JAK2: variants seen among roughly 807,000 people sequenced by gnomAD.
JAK2 encodes the protein tyrosine-protein kinase JAK2.
A neutral mutation model predicts 139.3 loss-of-function variants in JAK2; 86 were observed. The ratio of observed to expected loss-of-function variants is 0.62; its 90% confidence interval spans 0.52 to 0.74. The LOEUF (loss-of-function observed/expected upper bound fraction) is 0.74. JAK2 is among the 30% of genes least tolerant of loss of function. The pLI, the probability that JAK2 is intolerant of heterozygous loss-of-function variation, is 0.00. For synonymous variants in JAK2, 490 were observed against 437.7 expected (o/e 1.12, Z -1.49); for missense variants, 1,421 against 1,360.3 (o/e 1.04, Z -0.70).
chr9:5,122,855 G>C (rs199906756), intron 22 of JAK2, 149 bp from the exon 23 acceptor site: 1 of 269,738 alleles, frequency 3.7e-6, no homozygotes, highest in Non-Finnish European at 6.3e-6. Flanking sequence ...CAGGCAAAAA[G>C]GCCCTTTTAA....
intron 23 of JAK2, among the ~76,000 whole-genome samples, chr9:5,123,485 T>C (rs1342597974): frequency 3.3e-5 from 5 of 152,054 alleles, no homozygotes; most frequent in African/African-American, 1.2e-4. Flanking sequence ...ATAATTTCAT[T>C]CGTTGTTATG....
chr9:5,041,886 C>T lies in JAK2; in HGVS notation c.351-2517C>T, dbSNP rs546055711. ...CATGGCCGGCCACTCCAGCGCCCAT[C>T]AGGGCGCCTGCAGAGATGGAGGTGG... On this transcript the variant is annotated intron_variant, in intron 4 of 24. Coordinates refer to ENST00000381652, the MANE Select transcript of JAK2 (RefSeq NM_004972.4). 56 of 426,254 alleles carry T rather than the reference C, an allele frequency of 1.3e-4. 1 individual carries two copies. Among genetic ancestry groups the T allele is most frequent in the African/African-American group, 4.8e-4 (23 of 48,264 alleles). The allele number at this position is 426,254 out of a possible 1,614,324, so 26.4% of individuals were successfully genotyped here. A position where few individuals can be genotyped will look rare whatever the true frequency, so the allele number is the denominator to read the frequency against.
At chr9:5,111,794 G>T in intron 22 of JAK2, 1 of 422,700 alleles carries the variant, frequency 2.4e-6, no homozygotes, top group Admixed American at 2.7e-5. Flanking sequence ...CTTCTCCTTG[G>T]CCCCCGGAGC....
chr9:5,019,497 TATC>T (rs1355652893), intron 2 of JAK2, among the ~76,000 whole-genome samples: 1 of 152,178 alleles, frequency 6.6e-6, no homozygotes, highest in Non-Finnish European at 1.5e-5. Flanking sequence ...GCTTCTTTAA[TATC>T]ATTATTTTTA....
intron 3 of JAK2, 60 bp downstream of exon 3, chr9:5,022,273 C>T (rs1308787944): frequency 8.9e-7 from 1 of 1,125,640 alleles, no homozygotes; most frequent in Non-Finnish European, 1.3e-6. Flanking sequence ...TTATGCTATG[C>T]TAATACTAGG....
At chr9:5,101,335 G>A (rs575417397) in intron 22 of JAK2, among the ~76,000 whole-genome samples, 5 of 152,350 alleles carry the variant, frequency 3.3e-5, no homozygotes, top group East Asian at 3.9e-4. Context: ...GCGGAGGGGC[G>A]TCCGCCATTG....
chr9:4,999,104 C>A (rs1243351866), intron 2 of JAK2, among the ~76,000 whole-genome samples: 1 of 152,106 alleles, frequency 6.6e-6, no homozygotes, highest in East Asian at 1.9e-4. Context: ...GGATTACAGG[C>A]GTGAGCCACC....
chr9:5,082,069 A>C (rs950489244), intron 19 of JAK2, among the ~76,000 whole-genome samples: 1 of 152,208 alleles, frequency 6.6e-6, no homozygotes, highest in African/African-American at 2.4e-5. Flanking sequence ...CCTGTGGGTA[A>C]TTCTCGTCAG....
At chr9:5,065,790 C>T (rs1395704948) in intron 9 of JAK2, among the ~76,000 whole-genome samples, 1 of 152,002 alleles carries the variant, frequency 6.6e-6, no homozygotes, top group Non-Finnish European at 1.5e-5. Flanking sequence ...ATAACTCGAG[C>T]AAAGGGAAAA....
At chr9:5,113,273 A>T (rs1822807405) in intron 22 of JAK2, among the ~76,000 whole-genome samples, 1 of 150,268 alleles carries the variant, frequency 6.7e-6, no homozygotes, top group Non-Finnish European at 1.5e-5. Context: ...GTCAGAAAAG[A>T]AAAAAATGCC....
chr9:5,029,576 T>C (rs1823006241), intron 3 of JAK2, among the ~76,000 whole-genome samples: 1 of 152,168 alleles, frequency 6.6e-6, no homozygotes, highest in Admixed American at 6.5e-5. Flanking sequence ...TAATGCAGGG[T>C]GCACTAAAAT....
chr9:5,126,443 T>A lies in JAK2; in HGVS notation c.3288T>A (p.Asp1096Glu), dbSNP rs62637626. The change falls in exon 24 of 25, where the codon GAT (aspartate) becomes GAA (glutamate). Residue 1096 changes from aspartate (D) to glutamate (E), a missense_variant. Coordinates refer to ENST00000381652, the MANE Select transcript of JAK2 (RefSeq NM_004972.4). ...GRLPRPDGCP[D>E]EIYMIMTECW... ...TACCAAGACCAGATGGATGCCCAGA[T>A]GAGGTAACAATTTTTTTTTAATCCA... The A allele has an allele frequency of 6.7e-4, 1,067 of 1,594,448 alleles. 9 individuals are homozygous for A. The African/African-American group carries it at 0.014, about 20-fold the overall frequency.
chr9:5,118,013 T>C (rs1823337276), intron 22 of JAK2, among the ~76,000 whole-genome samples: 1 of 152,244 alleles, frequency 6.6e-6, no homozygotes, highest in Admixed American at 6.5e-5. Flanking sequence ...AGTTATAATG[T>C]ATTTTCTAAA....
intron 22 of JAK2, chr9:5,099,871 A>G (rs1260533196): frequency 1.3e-5 from 2 of 152,188 alleles, no homozygotes; most frequent in African/African-American, 4.8e-5. Context: ...GGGTATAGCA[A>G]TCCCCCTGTG....
intron 22 of JAK2, chr9:5,114,115 G>C (rs1165218162): frequency 5.6e-6 from 2 of 354,362 alleles, no homozygotes; most frequent in African/African-American, 4.2e-5. Context: ...ACCTACACCT[G>C]CCAGGTCACC....
intron 4 of JAK2, among the ~76,000 whole-genome samples, chr9:5,042,137 T>TA (rs1181246058): frequency 7.3e-6 from 1 of 136,264 alleles, no homozygotes; most frequent in East Asian, 2.0e-4. Context: ...TTTTTTTTTT[T>TA]TTTTTTTTTT....
chr9:5,062,530 AAG>A (rs1818263079), intron 8 of JAK2, among the ~76,000 whole-genome samples: 3 of 147,322 alleles, frequency 2.0e-5, no homozygotes, highest in South Asian at 4.3e-4. Flanking sequence ...AAAAAAAAAA[AAG>A]GTCATATCTG....
rs117091784 is a variant in JAK2 at position 5,015,612 on chromosome 9, C to T, written c.-25-6351C>T. Among the ~76,000 whole-genome samples the T allele has an allele frequency of 7.1e-3, 1,075 of 151,450 alleles. 39 individuals carry two copies. The highest frequency in any genetic ancestry group is 0.044 in the Admixed American group (673 of 15,194). ...TGCAGTGGCATGAGCACAATCACTG[C>T]TCACTGCGGCCTCGGTCTCCTGGGC... On this transcript the variant is annotated intron_variant, in intron 2 of 24. Transcript: ENST00000381652.
chr9:5,011,311 A>G (rs1821686466), intron 2 of JAK2, among the ~76,000 whole-genome samples: 1 of 152,092 alleles, frequency 6.6e-6, no homozygotes, highest in Non-Finnish European at 1.5e-5. Flanking sequence ...TCAGCCTCCC[A>G]AGTAGCTGGG....
Sources: allele counts gnomAD v4.1 joint callset (sites outside exome capture counted in the v4.1 genomes callset), GRCh38; gene constraint gnomAD v4.1.1; transcripts MANE v1.5; gene names NCBI Gene and HGNC (gene_info 2026-07-23, HGNC 2026-07-21).